Variants in ATG16L1 observed in about 807,000 individuals in gnomAD.
The protein encoded by ATG16L1 is autophagy related 16 like 1.
ATG16L1 carries 37 observed loss-of-function variants against 88.5 expected under a neutral mutation model. That is an observed-to-expected ratio of 0.42 (90% CI 0.32 to 0.55). The LOEUF is 0.55. Among genes scored for constraint, ATG16L1 ranks in the 20% least tolerant of loss-of-function variants. The probability of loss-of-function intolerance (pLI) is 0.13; values close to 1 mark genes in which losing one functional copy is unlikely to be tolerated. For synonymous variants in ATG16L1, 301 were observed against 281.0 expected, an observed-to-expected ratio of 1.07 and a Z score of -0.71; for missense variants, 554 against 752.8, an observed-to-expected ratio of 0.74 and a Z score of 3.09.
chr2:233,270,798 G>A (rs984749821), intron 6 of ATG16L1, among the ~76,000 whole-genome samples: 6 of 152,134 alleles, frequency 3.9e-5, no homozygotes, highest in Non-Finnish European at 5.9e-5. Flanking sequence ...GAGATTTGAA[G>A]CTTTCATAGT....
At chr2:233,270,135 A>G in intron 6 of ATG16L1, 68 bp downstream of exon 6, 1 of 1,195,368 alleles carries the variant, frequency 8.4e-7, no homozygotes, top group South Asian at 1.7e-5. Flanking sequence ...TTTTGTTTTT[A>G]TTTTTTTTTT....
chr2:233,280,732 G>A (rs559249705), intron 10 of ATG16L1, among the ~76,000 whole-genome samples: 101 of 152,210 alleles, frequency 6.6e-4, no homozygotes, highest in Non-Finnish European at 1.3e-3. Flanking sequence ...ATTTATGTAT[G>A]TAAGTTTTTA....
intron 9 of ATG16L1, among the ~76,000 whole-genome samples, chr2:233,276,409 A>C (rs1698377069): frequency 6.6e-6 from 1 of 152,184 alleles, no homozygotes; most frequent in African/African-American, 2.4e-5. Context: ...ATTATATTTC[A>C]TCCAAAAATA....
rs771760776 is a variant in ATG16L1 at position 233,273,786 on chromosome 2, G to A, written c.851+9G>A. Reference sequence around the variant, plus strand: ...ATCACTAATATCTTTGGGTAGGTTAGAAGACCTTTCCTTTTTAAATGTGTA... The same window carrying A: ...ATCACTAATATCTTTGGGTAGGTTAAAAGACCTTTCCTTTTTAAATGTGTA... On this transcript the variant is annotated intron_variant, in intron 8 of 17. Coordinates refer to ENST00000392017, the MANE Select transcript of ATG16L1 (RefSeq NM_030803.7). 5 of 1,613,372 alleles carry A rather than the reference G, an allele frequency of 3.1e-6. 1 individual carries two copies. In the South Asian group the frequency reaches 5.5e-5, roughly 18 times the overall value.
chr2:233,266,605 G>T (rs963281634), intron 5 of ATG16L1, among the ~76,000 whole-genome samples: 13 of 152,144 alleles, frequency 8.5e-5, no homozygotes, highest in Non-Finnish European at 1.0e-4. Flanking sequence ...AATAAATGAC[G>T]ATAGGAAAGA....
chr2:233,263,621 G>C (rs1432127769), intron 3 of ATG16L1, among the ~76,000 whole-genome samples: 1 of 152,180 alleles, frequency 6.6e-6, no homozygotes, highest in Non-Finnish European at 1.5e-5. Context: ...CAAGTCCTAG[G>C]CTGTGTTCGC....
chr2:233,293,792 A>G (rs1170138158), intron 17 of ATG16L1, among the ~76,000 whole-genome samples: 1 of 151,320 alleles, frequency 6.6e-6, no homozygotes, highest in African/African-American at 2.4e-5. Flanking sequence ...CAGGCCCCAG[A>G]CCCCCTTTTT....
At chr2:233,282,788 A>C in intron 12 of ATG16L1, 35 bp downstream of exon 12, 3 of 1,591,540 alleles carry the variant, frequency 1.9e-6, no homozygotes, top group Non-Finnish European at 2.6e-6. Context: ...TGCAATCTCC[A>C]AACTTCATGT....
chr2:233,283,868 A>G (rs1017541891), intron 12 of ATG16L1, among the ~76,000 whole-genome samples: 1 of 150,298 alleles, frequency 6.7e-6, no homozygotes, highest in Non-Finnish European at 1.5e-5. Context: ...TTTTGAAGGC[A>G]GAGTCTTGCT....
At chr2:233,276,291 A>G (rs998467972) in intron 9 of ATG16L1, among the ~76,000 whole-genome samples, 3 of 152,134 alleles carry the variant, frequency 2.0e-5, no homozygotes, top group Non-Finnish European at 4.4e-5. Context: ...TTGATAGTCT[A>G]TGTTTTCTAG....
In ATG16L1 at chr2:233,272,992, A is replaced by G; in HGVS notation, c.734A>G (p.Asp245Gly). Residue 245 changes from aspartate to glycine, a missense_variant, in exon 7 of 18, where the codon GAT (aspartate) becomes GGT (glycine). This residue lies in a region of ATG16L1 where 370 missense variants were observed against 509.7 expected (regional missense o/e 0.73). Coordinates refer to ENST00000392017, the MANE Select transcript of ATG16L1 (RefSeq NM_030803.7). ...EQDDDIEVIV[D>G]ETSDHTEETS... is the part of the protein sequence containing the mutation. ...GATGATGACATTGAGGTCATTGTGG[A>G]TGAAACTTCTGATCACACAGAAGAG... The G allele has an allele frequency of 6.2e-7, 1 of 1,614,116 alleles. No homozygotes were observed. The highest frequency in any genetic ancestry group is 8.5e-7 in the Non-Finnish European group (1 of 1,179,976).
At chr2:233,280,657 G>A (rs1275956968) in intron 10 of ATG16L1, among the ~76,000 whole-genome samples, 2 of 152,192 alleles carry the variant, frequency 1.3e-5, no homozygotes, top group Non-Finnish European at 2.9e-5. Flanking sequence ...CATGGGTCCA[G>A]AAATTGACTG....
rs1030677146 is a variant in ATG16L1, at chr2:233,265,240, G to A, written c.641+97G>A. 3 of 1,432,858 alleles carry A rather than the reference G, an allele frequency of 2.1e-6. No individual in the cohort carries two copies. The African/African-American group carries it at 4.3e-5, about 21-fold the overall frequency. The allele number at this position is 1,432,858 out of a possible 1,614,324, so 88.8% of individuals were successfully genotyped here. ...GATAAACCTGGCAGTTACTACAGGA[G>A]GTTTACCAGGGAATTCTTTCAGTGT... On this transcript the variant is annotated intron_variant, in intron 5 of 17. Coordinates refer to ENST00000392017, the MANE Select transcript of ATG16L1 (RefSeq NM_030803.7).
At chr2:233,289,408 T>TGTGTGTGTGTGTGTGAGAGAGAGAGAGA (rs144316394) in intron 12 of ATG16L1, among the ~76,000 whole-genome samples, 34 of 149,536 alleles carry the variant, frequency 2.3e-4, no homozygotes, top group African/African-American at 8.5e-4. Flanking sequence ...TGTGTGTGTG[T>TGTGTGTGTGTGTGTGAGAGAGAGAGAGA]GACAGGATCT....
At chr2:233,275,082 A>G (rs574255322) in intron 9 of ATG16L1, among the ~76,000 whole-genome samples, 5 of 152,276 alleles carry the variant, frequency 3.3e-5, no homozygotes, top group Admixed American at 1.3e-4. Context: ...TTATATAATT[A>G]TTGTCACCAA....
At chr2:233,291,831 A>C (rs545000611) in intron 14 of ATG16L1, among the ~76,000 whole-genome samples, 41 of 152,358 alleles carry the variant, frequency 2.7e-4, no homozygotes, top group African/African-American at 9.6e-4. Context: ...CGAATTGGGT[A>C]GTAGCCCTAG....
intron 17 of ATG16L1, 109 bp downstream of exon 17, chr2:233,293,466 C>T (rs934571508): frequency 9.3e-5 from 92 of 992,796 alleles, no homozygotes; most frequent in Admixed American, 9.5e-5. Flanking sequence ...GGGCACTGTC[C>T]GCCCACCTGC....
intron 16 of ATG16L1, among the ~76,000 whole-genome samples, chr2:233,292,816 A>G (rs989533304): frequency 6.6e-6 from 1 of 152,224 alleles, no homozygotes; most frequent in African/African-American, 2.4e-5. Context: ...GGTGGTCTGC[A>G]GTTTTCTGCT....
chr2:233,264,124 G>A lies in ATG16L1; in HGVS notation c.389+59G>A, dbSNP rs1385476612. On this transcript the variant is annotated intron_variant, in intron 4 of 17. Transcript: ENST00000392017. ...CATTGGGTCCCATGTCCTTTGTTCTGCTGACCTCTTGTGAGCAGGGCCAGT... is the reference window on the plus strand; with the variant it reads ...CATTGGGTCCCATGTCCTTTGTTCTACTGACCTCTTGTGAGCAGGGCCAGT... The A allele has an allele frequency of 4.4e-6, 7 of 1,582,052 alleles. No individual in the cohort carries two copies. In the Admixed American group the frequency reaches 1.2e-4, roughly 27 times the overall value.
Sources: gnomAD v4.1 joint callset for allele counts (sites outside exome capture counted in the v4.1 genomes callset) on GRCh38, gnomAD v4.1.1 for gene constraint, gnomAD v4.1.1 regional missense constraint, MANE v1.5 for transcripts, NCBI Gene and HGNC (gene_info 2026-07-23, HGNC 2026-07-21) for gene names.